Variants in TRIM4 observed in about 807,000 individuals in gnomAD.
The protein encoded by TRIM4 is E3 ubiquitin-protein ligase TRIM4.
In TRIM4, 29 loss-of-function variants were observed where a neutral mutation model predicts 33.7. The observed-to-expected ratio is 0.86, with a 90% confidence interval of 0.64 to 1.17. TRIM4 has a LOEUF of 1.17. Among genes scored for constraint, TRIM4 ranks in the 50% most tolerant of loss-of-function variants. TRIM4 has a pLI of 0.00. For missense variants in TRIM4, 554 were observed against 593.7 expected, an observed-to-expected ratio of 0.93 and a Z score of 0.69; for synonymous variants, 224 against 233.0, an observed-to-expected ratio of 0.96 and a Z score of 0.35.
Position 99,909,650 on chromosome 7 carries a change from A to G in TRIM4, c.404T>C (p.Leu135Pro), listed in dbSNP as rs747088496. Residue 135 changes from leucine (L) to proline (P), a missense_variant, in exon 2 of 6, where the codon CTT becomes CCT. Physicochemically the swap from Leu to Pro is moderately conservative, Grantham distance 98 (BLOSUM62 -3). Coordinates refer to ENST00000349062, the MANE Select transcript of TRIM4 (RefSeq NM_033091.3). ...EAFESYREKL[L>P]KSQRNLVAKM... ...GGCCACGAGATTACGCTGAGACTTA[A>G]GAAGTTTCTCCTGCCAGCAGAAACA... 2.5e-6 allele frequency: 4 copies of G among 1,613,552 alleles called. No individual in the cohort carries two copies. The highest frequency in any genetic ancestry group is 3.4e-6 in the Non-Finnish European group (4 of 1,179,922).
intron 3 of TRIM4, 61 bp from the exon 4 acceptor site, chr7:99,903,659 A>G: frequency 1.3e-6 from 2 of 1,592,606 alleles, no homozygotes; most frequent in Non-Finnish European, 1.7e-6. Context: ...CTGGAATACA[A>G]CTGTGTGAGC....
At chr7:99,918,616 T>C (rs1584276255) in intron 1 of TRIM4, among the ~76,000 whole-genome samples, 1 of 152,192 alleles carries the variant, frequency 6.6e-6, no homozygotes, top group South Asian at 2.1e-4. Context: ...TTTGAATATT[T>C]GGGGTAATCA....
At chr7:99,901,627 A>AT (rs1349233830) in intron 5 of TRIM4, 2 of 152,722 alleles carry the variant, frequency 1.3e-5, no homozygotes, top group Non-Finnish European at 2.9e-5. Context: ...CAAGGGCTAA[A>AT]TATTTTCTGC....
Position 99,891,883 on chromosome 7 carries a change from A to C in TRIM4, c.*280T>G. On this transcript the variant is annotated 3_prime_UTR_variant, in exon 6 of 6. Transcript: ENST00000349062. The stretch of plus-strand genomic sequence containing the variant: ...TGTTCTCAGTTCCAATATGGCTGCT[A>C]ACATCCATATGTCTTCCCCGCACAT... The C allele has an allele frequency of 3.1e-6, 1 of 327,688 alleles. No individual in the cohort carries two copies. Among genetic ancestry groups the C allele is most frequent in the Non-Finnish European group, 5.6e-6 (1 of 178,804 alleles). 20.3% of individuals were successfully genotyped at this position (327,688 alleles called of 1,614,324 possible). A position where few individuals can be genotyped will look rare whatever the true frequency, so the allele number is the denominator to read the frequency against.
chr7:99,899,611 T>C (rs531897299), intron 5 of TRIM4, among the ~76,000 whole-genome samples: 1 of 152,348 alleles, frequency 6.6e-6, no homozygotes, highest in Admixed American at 6.5e-5. Flanking sequence ...TCTCCCAATC[T>C]TCACACTACT....
intron 3 of TRIM4, among the ~76,000 whole-genome samples, chr7:99,906,729 C>T (rs1431020405): frequency 1.3e-5 from 2 of 151,960 alleles, no homozygotes; most frequent in African/African-American, 4.8e-5. Context: ...CTGTAATCCC[C>T]GAACACTTTG....
At chr7:99,894,679 A>T (rs1159600210) in intron 5 of TRIM4, among the ~76,000 whole-genome samples, 3 of 151,692 alleles carry the variant, frequency 2.0e-5, no homozygotes, top group African/African-American at 7.3e-5. Flanking sequence ...CCCCAAAAAA[A>T]AAAAGAAAAG....
chr7:99,898,088 G>A (rs1819063725), intron 5 of TRIM4, among the ~76,000 whole-genome samples: 1 of 152,220 alleles, frequency 6.6e-6, no homozygotes, highest in Admixed American at 6.5e-5. Context: ...AGTACCTGGA[G>A]CCATGTCTAT....
At chr7:99,895,647 G>C (rs2527921) in intron 5 of TRIM4, among the ~76,000 whole-genome samples, 97,192 of 152,148 alleles carry the variant, frequency 0.64, 32,714 homozygotes, top group African/African-American at 0.85. Flanking sequence ...ACTGAAAACT[G>C]CAAACGTAAT....
Position 99,909,648 on chromosome 7 carries a change from TAAG to T in TRIM4, c.403_405del (p.Leu135del). The T allele has an allele frequency of 6.2e-7, 1 of 1,613,396 alleles. No individual in the cohort carries two copies. Among genetic ancestry groups the T allele is most frequent in the South Asian group, 1.1e-5 (1 of 91,054 alleles). On this transcript the variant is annotated inframe_deletion, in exon 2 of 6. Transcript: ENST00000349062. Reference sequence around the variant, plus strand: ...TTGGCCACGAGATTACGCTGAGACTTAAGAAGTTTCTCCTGCCAGCAGAAACAC... The same window carrying T: ...TTGGCCACGAGATTACGCTGAGACTTAAGTTTCTCCTGCCAGCAGAAACAC...
At chr7:99,906,961 G>A (rs1021968819) in intron 3 of TRIM4, among the ~76,000 whole-genome samples, 34 of 152,094 alleles carry the variant, frequency 2.2e-4, no homozygotes, top group Non-Finnish European at 3.8e-4. Flanking sequence ...AGCCATTACC[G>A]GAAAAAGAAA....
chr7:99,892,794 C>T (rs753858337), intron 5 of TRIM4, 48 bp from the exon 6 acceptor site: 2 of 1,484,506 alleles, frequency 1.3e-6, no homozygotes, highest in Non-Finnish European at 1.8e-6. Context: ...ATCATCAACC[C>T]TTCCCCAGAA....
chr7:99,919,424 G>T lies in TRIM4; in HGVS notation c.-23C>A. ...CATGCTGCTTCCCTGCCGCGGAGAC[G>T]GAGTCCGACGTGAGGCGCGGGAGAG... On this transcript the variant is annotated 5_prime_UTR_variant, in exon 1 of 6. Coordinates refer to ENST00000349062, the MANE Select transcript of TRIM4 (RefSeq NM_033091.3). The T allele has an allele frequency of 2.0e-6, 3 of 1,507,816 alleles. No individual in the cohort carries two copies. Among genetic ancestry groups the T allele is most frequent in the Non-Finnish European group, 2.7e-6 (3 of 1,128,886 alleles). 93.4% of individuals were successfully genotyped at this position (1,507,816 alleles called of 1,614,324 possible).
intron 1 of TRIM4, chr7:99,917,725 CA>C (rs1819587152): frequency 1.2e-6 from 1 of 828,806 alleles, no homozygotes; most frequent in African/African-American, 1.9e-5. Flanking sequence ...ATCTCAAAAA[CA>C]ATAATAATAA....
chr7:99,919,141 G>A lies in TRIM4; in HGVS notation c.261C>T (p.Cys87=), dbSNP rs539787680. 6 of 1,505,874 alleles carry A rather than the reference G, an allele frequency of 4.0e-6. No individual in the cohort carries two copies. Among genetic ancestry groups the A allele is most frequent in the Admixed American group, 2.2e-5 (1 of 46,188 alleles). 93.3% of individuals were successfully genotyped at this position (1,505,874 alleles called of 1,614,324 possible). A position where few individuals can be genotyped will look rare whatever the true frequency, so the allele number is the denominator to read the frequency against. Reference sequence around the variant, plus strand: ...GCCGCAGCGGCTCCCAGTGGCGGCCGCACAGGCCCGGGGGCACGGGGCCCA... The same window carrying A: ...GCCGCAGCGGCTCCCAGTGGCGGCCACACAGGCCCGGGGGCACGGGGCCCA... ...RRLGPVPPGL[C]GRHWEPLRLF... Residue 87 remains cysteine (C), a synonymous_variant, in exon 1 of 6, where the codon TGC becomes TGT. Coordinates refer to ENST00000349062, the MANE Select transcript of TRIM4 (RefSeq NM_033091.3).
intron 5 of TRIM4, chr7:99,901,947 C>G (rs1819181963): frequency 1.6e-6 from 1 of 606,890 alleles, no homozygotes; most frequent in Non-Finnish European, 2.9e-6. Context: ...TCCGTGAACT[C>G]CCAGGTCTAT....
rs569613953 is a variant in TRIM4, at chr7:99,909,196, A to G, written c.489+369T>C. ...CATCCATTCATCTGTTTCTTTCCAC[A>G]ATGCCATGGGCCCAAACCGACTCTA... On this transcript the variant is annotated intron_variant, in intron 2 of 5. Transcript: ENST00000349062. Among the ~76,000 whole-genome samples the G allele has an allele frequency of 5.9e-5, 9 of 151,446 alleles. No homozygotes were observed. The South Asian group carries it at 1.9e-3, about 32-fold the overall frequency.
chr7:99,897,622 G>C (rs914002202), intron 5 of TRIM4, among the ~76,000 whole-genome samples: 1 of 152,058 alleles, frequency 6.6e-6, no homozygotes, highest in African/African-American at 2.4e-5. Context: ...CTCCATGGGG[G>C]AAAGGCCTAG....
chr7:99,902,159 GTTT>G (rs1242505579), intron 5 of TRIM4: 3 of 765,016 alleles, frequency 3.9e-6, no homozygotes, highest in Non-Finnish European at 4.8e-6. Context: ...TTGTTTTTGT[GTTT>G]TTATTTTAGT....
Sources: allele counts gnomAD v4.1 joint callset (sites outside exome capture counted in the v4.1 genomes callset), GRCh38; gene constraint gnomAD v4.1.1; transcripts MANE v1.5; gene names NCBI Gene and HGNC (gene_info 2026-07-23, HGNC 2026-07-21).